Variants in RBFOX1 observed in about 807,000 individuals in gnomAD.
The protein encoded by RBFOX1 is RNA binding fox-1 homolog 1.
Under a neutral mutation model 57.7 loss-of-function variants are expected in RBFOX1, and 8 were observed. The ratio of observed to expected loss-of-function variants is 0.14; its 90% CI spans 0.08 to 0.25. The LOEUF is 0.25. RBFOX1 is among the 10% of genes least tolerant of loss of function. The pLI, the probability that RBFOX1 is intolerant of heterozygous loss-of-function variation, is 1.00. For missense variants in RBFOX1, 611 were observed against 548.5 expected (o/e 1.11, Z -1.14); for synonymous variants, 326 against 222.4 (o/e 1.47, Z -4.15).
chr16:7,057,655 C>G (rs566041856), intron 4 of RBFOX1, among the ~76,000 whole-genome samples: 3 of 152,200 alleles, frequency 2.0e-5, no homozygotes, highest in Admixed American at 6.5e-5. Flanking sequence ...TTGCCCAGGG[C>G]CAACTCTTGA....
chr16:5,753,724 G>T (rs1337122670), intron 3 of RBFOX1, among the ~76,000 whole-genome samples: 1 of 152,144 alleles, frequency 6.6e-6, no homozygotes, highest in Non-Finnish European at 1.5e-5. Flanking sequence ...CAGAAAGTTG[G>T]TTGTTAAGCG....
At chr16:5,593,537 T>C (rs2047080141) in intron 2 of RBFOX1, among the ~76,000 whole-genome samples, 1 of 152,156 alleles carries the variant, frequency 6.6e-6, no homozygotes. Flanking sequence ...AGTGGAGAAG[T>C]TGGCCAAAAC....
chr16:6,813,248 G>C (rs2089210016), intron 3 of RBFOX1, among the ~76,000 whole-genome samples: 1 of 152,150 alleles, frequency 6.6e-6, no homozygotes, highest in Non-Finnish European at 1.5e-5. Flanking sequence ...CGGTTCCCCA[G>C]ATAGTATTCC....
intron 2 of RBFOX1, among the ~76,000 whole-genome samples, chr16:6,591,475 A>G (rs955056264): frequency 4.4e-4 from 67 of 151,902 alleles, no homozygotes; most frequent in African/African-American, 1.6e-3. Context: ...AAAATGAAAA[A>G]CCTTTGTGTT....
At chr16:5,941,354 G>A (rs985340868) in intron 4 of RBFOX1, among the ~76,000 whole-genome samples, 1 of 151,872 alleles carries the variant, frequency 6.6e-6, no homozygotes, top group Non-Finnish European at 1.5e-5. Context: ...GCTGGGCATG[G>A]TAGAGCATGC....
chr16:6,957,002 G>C (rs933841852), intron 3 of RBFOX1, among the ~76,000 whole-genome samples: 2 of 152,176 alleles, frequency 1.3e-5, no homozygotes, highest in African/African-American at 4.8e-5. Flanking sequence ...GTGAAAGCAA[G>C]TTTATTAAGA....
chr16:7,701,320 C>G (rs1051884343), intron 14 of RBFOX1, among the ~76,000 whole-genome samples: 2 of 152,126 alleles, frequency 1.3e-5, no homozygotes, highest in Non-Finnish European at 2.9e-5. Context: ...GGGGGGTGAG[C>G]AACGCTTCCT....
At chr16:6,152,334 C>G (rs2096803429) in intron 1 of RBFOX1, among the ~76,000 whole-genome samples, 1 of 152,094 alleles carries the variant, frequency 6.6e-6, no homozygotes, top group Admixed American at 6.6e-5. Context: ...CTGTCTTTCT[C>G]TCTCTCTCTC....
intron 4 of RBFOX1, among the ~76,000 whole-genome samples, chr16:7,202,444 A>G (rs1187295597): frequency 2.0e-5 from 3 of 152,180 alleles, no homozygotes; most frequent in South Asian, 2.1e-4. Context: ...TAAAAATAGA[A>G]CTGCCAGATG....
At chr16:7,266,306 C>T (rs1413082838) in intron 4 of RBFOX1, among the ~76,000 whole-genome samples, 1 of 151,934 alleles carries the variant, frequency 6.6e-6, no homozygotes, top group African/African-American at 2.4e-5. Context: ...AAGTGTGTGG[C>T]ACCTTCCCCC....
rs559845100 is a variant in RBFOX1 at position 7,311,597 on chromosome 16, C to T, written c.28-206550C>T. Among the ~76,000 whole-genome samples, 7 of 151,174 alleles carry T rather than the reference C, an allele frequency of 4.6e-5. No individual in the cohort carries two copies. In the East Asian group the frequency reaches 1.4e-3, roughly 30 times the overall value. ...TTTTTCCCTTCCATAGATCAGCTTC[C>T]TCTTGCTCTGCCTGAAGCCAGGCAC... On this transcript the variant is annotated intron_variant, in intron 4 of 15. Transcript: ENST00000550418.
intron 3 of RBFOX1, among the ~76,000 whole-genome samples, chr16:7,017,660 A>C (rs999134797): frequency 6.6e-6 from 1 of 152,138 alleles, no homozygotes; most frequent in Admixed American, 6.5e-5. Context: ...TGGCTGATAC[A>C]TGCTTGACCT....
intron 2 of RBFOX1, among the ~76,000 whole-genome samples, chr16:5,556,723 G>A (rs1278363356): frequency 6.6e-6 from 1 of 152,126 alleles, no homozygotes; most frequent in Non-Finnish European, 1.5e-5. Flanking sequence ...ATGTTCCTTG[G>A]GACATGAGAT....
chr16:7,062,893 A>ATTTTT lies in RBFOX1; in HGVS notation c.27+10826_27+10830dup, dbSNP rs1170936027. Among the ~76,000 whole-genome samples, 183 of 47,134 alleles carry ATTTTT rather than the reference A, an allele frequency of 3.9e-3. 14 individuals are homozygous for ATTTTT. Among genetic ancestry groups the ATTTTT allele is most frequent in the Middle Eastern group, 0.017 (1 of 58 alleles). The allele number at this position is 47,134 out of a possible 152,430, so 30.9% of individuals were successfully genotyped here. On this transcript the variant is annotated intron_variant, in intron 4 of 15. Transcript: ENST00000550418. ...ACCTCATCTCATTCAAATGATCGCCATTTTTTTTTTTTTTTTTTTTTTTTT... is the reference window on the plus strand; with the variant it reads ...ACCTCATCTCATTCAAATGATCGCCATTTTTTTTTTTTTTTTTTTTTTTTTTTTTT...
intron 4 of RBFOX1, among the ~76,000 whole-genome samples, chr16:7,356,698 A>T (rs2097220173): frequency 6.6e-6 from 1 of 152,246 alleles, no homozygotes; most frequent in Non-Finnish European, 1.5e-5. Flanking sequence ...GTGCATGAAT[A>T]CTTTGCTTTT....
intron 4 of RBFOX1, among the ~76,000 whole-genome samples, chr16:7,119,420 C>G (rs1470887721): frequency 1.3e-5 from 2 of 152,050 alleles, no homozygotes; most frequent in Non-Finnish European, 2.9e-5. Context: ...TAAGGAAACT[C>G]AAATTACTTT....
intron 3 of RBFOX1, among the ~76,000 whole-genome samples, chr16:6,672,867 A>C (rs980137305): frequency 5.9e-5 from 9 of 152,156 alleles, no homozygotes; most frequent in Non-Finnish European, 1.2e-4. Flanking sequence ...GTTATGGGTC[A>C]CTTGCCCCCT....
At chr16:6,212,575 T>C (rs10221085) in intron 1 of RBFOX1, among the ~76,000 whole-genome samples, 148,193 of 152,030 alleles carry the variant, frequency 0.97, 72,323 homozygotes, top group East Asian at 1. Flanking sequence ...GGCATGGTGG[T>C]GGGCGCCTGT....
At chr16:5,619,155 C>T (rs1024739711) in intron 3 of RBFOX1, among the ~76,000 whole-genome samples, 1 of 152,196 alleles carries the variant, frequency 6.6e-6, no homozygotes, top group Admixed American at 6.5e-5. Context: ...AAGGGGTTAC[C>T]TGTGAGGCCT....
Sources: gnomAD v4.1 joint callset for allele counts (sites outside exome capture counted in the v4.1 genomes callset) on GRCh38, gnomAD v4.1.1 for gene constraint, MANE v1.5 for transcripts, NCBI Gene and HGNC (gene_info 2026-07-23, HGNC 2026-07-21) for gene names.